The following CD36 variants were observed in gnomAD, a reference collection of about 807,000 sequenced individuals.
The protein encoded by CD36 is platelet glycoprotein 4.
Under a neutral mutation model 55.2 loss-of-function variants are expected in CD36, and 119 were observed. The observed-to-expected ratio is 2.15, with a 90% CI of 1.86 to 2.51. CD36 has a LOEUF of 2.51. Among genes scored for constraint, CD36 ranks in the 30% most tolerant of loss-of-function variants. The probability of loss-of-function intolerance (pLI) is 0.00; values close to 1 mark genes in which losing one functional copy is unlikely to be tolerated. For missense variants in CD36, 819 were observed against 555.5 expected (o/e 1.47, Z -4.77); for synonymous variants, 186 against 193.6 (o/e 0.96, Z 0.33).
At chr7:80,664,573 A>T (rs1023703175) in intron 7 of CD36, 76 bp downstream of exon 7, 2 of 848,706 alleles carry the variant, frequency 2.4e-6, no homozygotes, top group Non-Finnish European at 2.1e-6. Context: ...TTAACATCTC[A>T]TAAGACATAG....
intron 3 of CD36, among the ~76,000 whole-genome samples, chr7:80,647,662 G>A (rs542789392): frequency 7.2e-5 from 11 of 152,272 alleles, no homozygotes; most frequent in Non-Finnish European, 1.5e-4. Flanking sequence ...AATCAGGGAT[G>A]GCAAATTCAA....
chr7:80,633,402 T>G (rs1249736431), intron 1 of CD36: 1 of 152,034 alleles, frequency 6.6e-6, no homozygotes, highest in Non-Finnish European at 1.5e-5. Flanking sequence ...ATGTTTGTTT[T>G]TATCCTGACT....
intron 1 of CD36, among the ~76,000 whole-genome samples, chr7:80,644,893 A>G (rs1397730894): frequency 6.6e-6 from 1 of 152,184 alleles, no homozygotes; most frequent in African/African-American, 2.4e-5. Flanking sequence ...CGCCAACCCC[A>G]TTATTGACAA....
intron 9 of CD36, 97 bp from the exon 10 acceptor site, chr7:80,670,880 T>C: frequency 1.2e-6 from 1 of 864,096 alleles, no homozygotes; most frequent in Non-Finnish European, 1.9e-6. Context: ...TAAAAGAGTA[T>C]ATGATGTTTC....
At chr7:80,652,265 A>G in intron 3 of CD36, among the ~76,000 whole-genome samples, 1 of 152,188 alleles carries the variant, frequency 6.6e-6, no homozygotes, top group South Asian at 2.1e-4. Flanking sequence ...TTTAATATCA[A>G]CATAGTTTAC....
intron 3 of CD36, chr7:80,647,260 G>GTGTGTGTT (rs1482280590): frequency 4.3e-4 from 83 of 195,002 alleles, no homozygotes; most frequent in Middle Eastern, 2.2e-3. Flanking sequence ...AAGTAAAACT[G>GTGTGTGTT]TGTGTGTGTG....
intron 8 of CD36, among the ~76,000 whole-genome samples, chr7:80,667,032 A>G (rs1797155798): frequency 6.6e-6 from 1 of 152,176 alleles, no homozygotes; most frequent in Admixed American, 6.5e-5. Context: ...AAAAATGAGC[A>G]TTCATAAACT....
intron 1 of CD36, among the ~76,000 whole-genome samples, chr7:80,618,935 C>A (rs1193221960): frequency 6.6e-6 from 1 of 152,042 alleles, no homozygotes; most frequent in Non-Finnish European, 1.5e-5. Flanking sequence ...GACAAAACAG[C>A]CTTCCATTGG....
At chr7:80,632,394 G>A (rs773986850) in intron 1 of CD36, among the ~76,000 whole-genome samples, 1 of 151,904 alleles carries the variant, frequency 6.6e-6, no homozygotes, top group Non-Finnish European at 1.5e-5. Context: ...GCATGCTTCT[G>A]TGTTCCTGGA....
At chr7:80,603,875 A>C (rs1417828737) in intron 1 of CD36, among the ~76,000 whole-genome samples, 2 of 152,104 alleles carry the variant, frequency 1.3e-5, no homozygotes, top group African/African-American at 4.8e-5. Context: ...TTCAGAGCAA[A>C]GAAATATAAA....
rs1797621255 is a variant in CD36, at chr7:80,671,043, T to A, written c.885T>A (p.Leu295=). The A allele has an allele frequency of 1.2e-6, 2 of 1,612,800 alleles. No individual in the cohort carries two copies. The highest frequency in any genetic ancestry group is 8.5e-7 in the Non-Finnish European group (1 of 1,178,894). The change falls in exon 10 of 15, where the codon CTT becomes CTA. Residue 295 remains leucine (L), a synonymous_variant. Transcript: ENST00000447544. ...LKGIPVYRFV[L]PSKAFASPVE... ...GAATCCCTGTGTATAGATTTGTTCT[T>A]CCATCCAAGGCCTTTGCCTCTCCAG...
chr7:80,645,311 C>A (rs1023315688), intron 1 of CD36, among the ~76,000 whole-genome samples: 2 of 151,056 alleles, frequency 1.3e-5, no homozygotes, highest in Non-Finnish European at 3.0e-5. Flanking sequence ...TGAGCCACCA[C>A]GCCCGGCTCT....
intron 8 of CD36, among the ~76,000 whole-genome samples, chr7:80,668,361 A>ACAATCTCT (rs1338779336): frequency 6.6e-6 from 1 of 152,204 alleles, no homozygotes; most frequent in East Asian, 1.9e-4. Context: ...TGGACAGAGC[A>ACAATCTCT]GGGGATGATC....
intron 1 of CD36, among the ~76,000 whole-genome samples, chr7:80,641,822 A>G (rs1794835350): frequency 6.6e-6 from 1 of 152,040 alleles, no homozygotes; most frequent in African/African-American, 2.4e-5. Context: ...GAGGCTTCTT[A>G]TATCTCAGTC....
rs77610119 is a variant in CD36, at chr7:80,629,167, C to G, written c.-183-16921C>G. ...CTCCAGTGTTAGCACTCTTCCGGCA[C>G]AGGTGGATCAGATTGCTGGCTCTTC... On this transcript the variant is annotated intron_variant, in intron 1 of 13. Coordinates refer to the CD36 transcript ENST00000309881. Among the ~76,000 whole-genome samples, 1,376 of 152,148 alleles carry G rather than the reference C, an allele frequency of 9.0e-3. 18 individuals are homozygous for G. The highest frequency in any genetic ancestry group is 0.031 in the African/African-American group (1,302 of 41,536).
At position 80,664,445 on chromosome 7, in the gene CD36, G is replaced by GGAAAA. The variant is rs1796837361; in HGVS notation, c.652_656dup (p.Asp219GlufsTer5). The GGAAAA allele has an allele frequency of 6.3e-7, 1 of 1,581,552 alleles. No individual in the cohort carries two copies. The highest frequency in any genetic ancestry group is 1.3e-5 in the African/African-American group (1 of 74,176). On this transcript the variant is annotated frameshift_variant, in exon 7 of 15. Transcript: ENST00000447544. LOFTEE classifies it high-confidence loss of function. ...AGATGGAGTTTATAAAGTTTTCAAT[G>GGAAAA]GAAAAGATAACATAAGTAAAGTTGC...
chr7:80,667,138 CA>C (rs1797165320), intron 8 of CD36, among the ~76,000 whole-genome samples: 1 of 151,984 alleles, frequency 6.6e-6, no homozygotes, highest in African/African-American at 2.4e-5. Context: ...TTTTAAAAAG[CA>C]ATGGGAGGCT....
At chr7:80,607,268 T>G (rs1054450479) in intron 1 of CD36, among the ~76,000 whole-genome samples, 23 of 141,668 alleles carry the variant, frequency 1.6e-4, no homozygotes, top group African/African-American at 6.4e-4. Flanking sequence ...AATGGTCCTT[T>G]GAAAAAAAGA....
In CD36 at chr7:80,646,642, C is replaced by T; in HGVS notation, c.-89-10C>T. On this transcript the variant is annotated splice_polypyrimidine_tract_variant and intron_variant, in intron 2 of 14. Coordinates refer to ENST00000447544, the MANE Select transcript of CD36 (RefSeq NM_001001548.3). ...TAAGCTTCTGTTTTATGATCTCTTT[C>T]TAATGATAGAACCAGAGCTTGTAGA... 7.1e-7 allele frequency: 1 copy of T among 1,409,304 alleles called. No homozygotes were observed. The highest frequency in any genetic ancestry group is 1.0e-6 in the Non-Finnish European group (1 of 995,880). The allele number at this position is 1,409,304 out of a possible 1,614,324, so 87.3% of individuals were successfully genotyped here.
Sources: allele counts gnomAD v4.1 joint callset (sites outside exome capture counted in the v4.1 genomes callset), GRCh38; gene constraint gnomAD v4.1.1; transcripts MANE v1.5; gene names NCBI Gene and HGNC (gene_info 2026-07-23, HGNC 2026-07-21).